SERPINB11: variants seen among roughly 807,000 people sequenced by gnomAD.
SERPINB11 encodes serpin B11.
SERPINB11 carries 32 observed loss-of-function variants against 36.7 expected under a neutral mutation model. The ratio of observed to expected loss-of-function variants is 0.87; its 90% CI spans 0.66 to 1.17. The LOEUF (loss-of-function observed/expected upper bound fraction) is 1.17. Ranked by LOEUF, SERPINB11 falls within the 50% of genes most tolerant of loss-of-function variation. The probability of loss-of-function intolerance (pLI) is 0.00; values close to 1 mark genes in which losing one functional copy is unlikely to be tolerated. For missense variants in SERPINB11, 528 were observed against 458.4 expected, an observed-to-expected ratio of 1.15 and a Z score of -1.39; for synonymous variants, 174 against 168.1, an observed-to-expected ratio of 1.04 and a Z score of -0.27.
intron 2 of SERPINB11, 40 bp downstream of exon 2, chr18:63,710,401 C>A (rs370120293): frequency 1.9e-6 from 3 of 1,542,392 alleles, no homozygotes; most frequent in African/African-American, 2.8e-5. Flanking sequence ...ACCCAGAAGT[C>A]TTTCATGCTC....
intron 4 of SERPINB11, among the ~76,000 whole-genome samples, chr18:63,714,359 G>T (rs547439044): frequency 6.6e-6 from 1 of 152,088 alleles, no homozygotes; most frequent in Admixed American, 6.6e-5. Context: ...ATGAAGTTTC[G>T]GGCATGCATT....
chr18:63,717,880 A>AT (rs537255094), intron 5 of SERPINB11, among the ~76,000 whole-genome samples: 211 of 152,056 alleles, frequency 1.4e-3, no homozygotes, highest in Admixed American at 2.8e-3. Context: ...CTTTGCACAC[A>AT]TTTTTTGGAC....
intron 5 of SERPINB11, among the ~76,000 whole-genome samples, chr18:63,718,046 T>C (rs937912055): frequency 1.3e-5 from 2 of 152,068 alleles, no homozygotes; most frequent in Non-Finnish European, 2.9e-5. Context: ...GCACTACTTA[T>C]TGAACAAAGA....
intron 7 of SERPINB11, among the ~76,000 whole-genome samples, chr18:63,721,797 G>A (rs115428089): frequency 0.012 from 1,876 of 152,246 alleles, 53 homozygotes; most frequent in African/African-American, 0.043. Context: ...AAGTGAGACG[G>A]GTGCCAACTG....
intron 6 of SERPINB11, 95 bp downstream of exon 6, chr18:63,720,250 T>C (rs1914772887): frequency 2.8e-6 from 3 of 1,082,334 alleles, no homozygotes; most frequent in Non-Finnish European, 4.0e-6. Flanking sequence ...AGTGAAAATA[T>C]TGGTCTAGGT....
chr18:63,721,713 A>C (rs774757699), intron 7 of SERPINB11, among the ~76,000 whole-genome samples: 1 of 152,088 alleles, frequency 6.6e-6, no homozygotes, highest in Non-Finnish European at 1.5e-5. Flanking sequence ...ACAGGTGAGC[A>C]AAGTGTGTGT....
At chr18:63,711,868 C>T (rs1220368294) in intron 3 of SERPINB11, among the ~76,000 whole-genome samples, 1 of 152,108 alleles carries the variant, frequency 6.6e-6, no homozygotes, top group Non-Finnish European at 1.5e-5. Context: ...AGAACTCCTA[C>T]ATGAAAATAG....
In SERPINB11 at chr18:63,720,128, A is replaced by C. The variant is rs769808241; in HGVS notation, c.591A>C (p.Thr197=). 4 of 1,608,066 alleles carry C rather than the reference A, an allele frequency of 2.5e-6. No individual in the cohort carries two copies. The Admixed American group carries it at 6.7e-5, about 27-fold the overall frequency. ...AAAATAAATTTCAAGTAAGAGAGAC[A>C]GTTAAAAGTCCTTTTCAGCTAAGTG... is the stretch of plus-strand genomic sequence containing the variant. ...QWQNKFQVRE[T]VKSPFQLSEG... is the part of the protein sequence containing the mutation. Residue 197 remains threonine, a synonymous_variant, in exon 6 of 8, where the codon ACA becomes ACC. Coordinates refer to ENST00000544088, the MANE Select transcript of SERPINB11 (RefSeq NM_001370475.1).
chr18:63,707,383 T>A (rs2144530439), intron 1 of SERPINB11, among the ~76,000 whole-genome samples: 1 of 152,338 alleles, frequency 6.6e-6, no homozygotes, highest in East Asian at 1.9e-4. Flanking sequence ...ATGTGGGGTG[T>A]GATCTCTGAT....
chr18:63,710,336 G>A lies in SERPINB11; in HGVS notation c.143G>A (p.Gly48Glu), dbSNP rs202096118. ...AGCATGGTCCTCCTTGGTGCCAGGG[G>A]AGAGACTGAAGAGCAATTGGAGAAG... is the stretch of plus-strand genomic sequence containing the variant. ...ALSMVLLGARGETEEQLEKVL... is the reference protein window; with the variant it reads ...ALSMVLLGAREETEEQLEKVL... Residue 48 changes from glycine (G) to glutamate (E), a missense_variant, in exon 2 of 8, where the codon GGA becomes GAA. Transcript: ENST00000544088. 1.4e-3 allele frequency: 2,224 copies of A among 1,613,028 alleles called. 1 individual carries two copies. The highest frequency in any genetic ancestry group is 1.8e-3 in the Non-Finnish European group (2,077 of 1,179,402).
chr18:63,703,706 AC>A (rs1914297867), intron 1 of SERPINB11, among the ~76,000 whole-genome samples: 1 of 152,204 alleles, frequency 6.6e-6, no homozygotes, highest in Non-Finnish European at 1.5e-5. Flanking sequence ...TATGGTACAT[AC>A]TGTAAGATAC....
At chr18:63,712,826 T>A in intron 4 of SERPINB11, 133 bp downstream of exon 4, 1 of 1,003,664 alleles carries the variant, frequency 1.0e-6, no homozygotes, top group Non-Finnish European at 1.5e-6. Context: ...AACTTACAGT[T>A]TCAGTGAAAT....
chr18:63,712,863 T>G (rs1445150584), intron 4 of SERPINB11, among the ~76,000 whole-genome samples, 170 bp downstream of exon 4: 1 of 152,218 alleles, frequency 6.6e-6, no homozygotes, highest in Non-Finnish European at 1.5e-5. Context: ...TCATGTAAAG[T>G]TCCCAAATAT....
rs778745119 is a variant in SERPINB11, at chr18:63,720,962, A to C, written c.750A>C (p.Pro250=). The change falls in exon 7 of 8, where the codon CCA becomes CCC. Residue 250 remains proline, a synonymous_variant. Coordinates refer to ENST00000544088, the MANE Select transcript of SERPINB11 (RefSeq NM_001370475.1). ...AATTAAGCATGATTATTCTGCTTCC[A>C]GTAGGCATAGCTAATCTGAAACAGG... is the stretch of plus-strand genomic sequence containing the variant. ...NNKLSMIILL[P]VGIANLKQIE... The C allele has an allele frequency of 1.2e-6, 2 of 1,609,666 alleles. No individual in the cohort carries two copies. Among genetic ancestry groups the C allele is most frequent in the African/African-American group, 2.7e-5 (2 of 74,866 alleles).
chr18:63,717,362 A>G (rs1251530507), intron 5 of SERPINB11, among the ~76,000 whole-genome samples: 1 of 152,076 alleles, frequency 6.6e-6, no homozygotes, highest in Non-Finnish European at 1.5e-5. Context: ...CCTGGTACAC[A>G]TATGTATGCA....
chr18:63,709,285 A>C lies in SERPINB11; in HGVS notation c.-15-894A>C, dbSNP rs576477954. ...TAGTATTGTCTTATTTCATGGAGGG[A>C]TACAGGGAATGAGGTCCCACTGAGG... On this transcript the variant is annotated intron_variant, in intron 1 of 7. Coordinates refer to ENST00000544088, the MANE Select transcript of SERPINB11 (RefSeq NM_001370475.1). Among the ~76,000 whole-genome samples, 14 of 152,102 alleles carry C rather than the reference A, an allele frequency of 9.2e-5. No homozygotes were observed. In the East Asian group the frequency reaches 2.5e-3, roughly 27 times the overall value.
At chr18:63,710,725 A>G (rs1914501350) in intron 2 of SERPINB11, among the ~76,000 whole-genome samples, 1 of 152,200 alleles carries the variant, frequency 6.6e-6, no homozygotes, top group African/African-American at 2.4e-5. Context: ...AGACATTACC[A>G]AGTTAAAAAA....
In SERPINB11 at chr18:63,710,278, T is replaced by G; in HGVS notation, c.85T>G (p.Phe29Val). The change falls in exon 2 of 8, where the codon TTC (phenylalanine) becomes GTC (valine). Residue 29 changes from phenylalanine to valine, a missense_variant. Coordinates refer to ENST00000544088, the MANE Select transcript of SERPINB11 (RefSeq NM_001370475.1). Reference sequence around the variant, plus strand: ...CAGTAACAACATAGGAGATAACATCTTCTTTTCTTCGCTGAGTCTGCTTTA... The same window carrying G: ...CAGTAACAACATAGGAGATAACATCGTCTTTTCTTCGCTGAGTCTGCTTTA... Reference protein sequence around the residue: ...LNSNNIGDNIFFSSLSLLYAL... With the variant: ...LNSNNIGDNIVFSSLSLLYAL... The G allele has an allele frequency of 6.2e-7, 1 of 1,613,740 alleles. No homozygotes were observed. Among genetic ancestry groups the G allele is most frequent in the South Asian group, 1.1e-5 (1 of 91,056 alleles).
intron 2 of SERPINB11, among the ~76,000 whole-genome samples, chr18:63,710,833 G>A (rs549856411): frequency 9.9e-5 from 15 of 152,154 alleles, no homozygotes; most frequent in Admixed American, 5.2e-4. Context: ...TGACTTTTCA[G>A]GTTATATAGG....
Sources: gnomAD v4.1 joint callset for allele counts (sites outside exome capture counted in the v4.1 genomes callset) on GRCh38, gnomAD v4.1.1 for gene constraint, MANE v1.5 for transcripts, NCBI Gene and HGNC (gene_info 2026-07-23, HGNC 2026-07-21) for gene names.